Variants in ZMAT5 observed in about 807,000 individuals in gnomAD.
ZMAT5 encodes the protein zinc finger matrin-type protein 5.
In ZMAT5, 23 loss-of-function variants were observed where a neutral mutation model predicts 28.0. The ratio of observed to expected loss-of-function variants is 0.82; its 90% confidence interval spans 0.59 to 1.16. The LOEUF is 1.16. Ranked by LOEUF, ZMAT5 falls within the 50% of genes most tolerant of loss-of-function variation. The pLI is 0.00. For missense variants in ZMAT5, 173 were observed against 212.7 expected (o/e 0.81, Z 1.16); for synonymous variants, 76 against 84.1 (o/e 0.90, Z 0.52).
rs1361925801 is a variant in ZMAT5, at chr22:29,751,174, AAGGG to A, written c.-27-2607_-27-2604del. 3.3e-5 allele frequency among the ~76,000 whole-genome samples: 5 copies of A among 152,166 alleles called. No homozygotes were observed. In the East Asian group the frequency reaches 9.7e-4, roughly 29 times the overall value. On this transcript the variant is annotated intron_variant, in intron 1 of 5. Transcript: ENST00000344318. ...TTGCTGGCGCTGGAGAGTAATGGGG[AAGGG>A]AGGGGACAGGGAGGGTGGTTCTCTG...
At chr22:29,765,291 C>T (rs9614046) in intron 1 of ZMAT5, among the ~76,000 whole-genome samples, 20,117 of 151,586 alleles carry the variant, frequency 0.13, 1,487 homozygotes, top group South Asian at 0.24. Context: ...TGTTGGCATC[C>T]GCTTGTAATC....
intron 1 of ZMAT5, among the ~76,000 whole-genome samples, chr22:29,749,851 C>T (rs1044125625): frequency 2.0e-5 from 3 of 152,270 alleles, no homozygotes; most frequent in Admixed American, 2.0e-4. Flanking sequence ...CTCTCTCCTG[C>T]TGCCTTGTGA....
chr22:29,759,097 C>T lies in ZMAT5; in HGVS notation c.-28+7775G>A, dbSNP rs546972529. 1.3e-3 allele frequency among the ~76,000 whole-genome samples: 203 copies of T among 152,276 alleles called. 1 individual carries two copies. Among genetic ancestry groups the T allele is most frequent in the African/African-American group, 4.6e-3 (193 of 41,564 alleles). On this transcript the variant is annotated intron_variant, in intron 1 of 5. Coordinates refer to ENST00000344318, the MANE Select transcript of ZMAT5 (RefSeq NM_001003692.2). The stretch of plus-strand genomic sequence containing the variant: ...GCACACCCCAAGGCCTGGTGAAGGT[C>T]GGCTGAGCCTGAATCTGGGCTCCAG...
chr22:29,741,929 C>T (rs1238067250), intron 3 of ZMAT5, among the ~76,000 whole-genome samples: 1 of 152,186 alleles, frequency 6.6e-6, no homozygotes, highest in African/African-American at 2.4e-5. Flanking sequence ...ACTGGGATTA[C>T]AAGAGTGAGG....
At chr22:29,745,958 C>G (rs2068005353) in intron 2 of ZMAT5, among the ~76,000 whole-genome samples, 1 of 152,134 alleles carries the variant, frequency 6.6e-6, no homozygotes, top group African/African-American at 2.4e-5. Flanking sequence ...AACCCACTGC[C>G]CTGGATTTTA....
At chr22:29,764,564 G>A (rs1218818176) in intron 1 of ZMAT5, among the ~76,000 whole-genome samples, 1 of 152,118 alleles carries the variant, frequency 6.6e-6, no homozygotes, top group East Asian at 1.9e-4. Flanking sequence ...GCAGTGACGC[G>A]ATCTCAGTTA....
In ZMAT5 at chr22:29,748,537, T is replaced by C. The variant is rs769052365; in HGVS notation, c.8A>G (p.Lys3Arg). MG[K>R]RYFCDYCDRS... ...GTCGCAGTAGTCACAGAAGTATCGC[T>C]TCCCCATGGCCACTCAGAGCAGGTG... The change falls in exon 2 of 6, where the codon AAG becomes AGG. Residue 3 changes from lysine to arginine, a missense_variant. Lys to Arg is a conservative substitution (Grantham distance 26). Coordinates refer to ENST00000344318, the MANE Select transcript of ZMAT5 (RefSeq NM_001003692.2). 6.2e-7 allele frequency: 1 copy of C among 1,614,158 alleles called. No homozygotes were observed. The highest frequency in any genetic ancestry group is 8.5e-7 in the Non-Finnish European group (1 of 1,180,020).
At chr22:29,741,031 T>C (rs1289137548) in intron 3 of ZMAT5, among the ~76,000 whole-genome samples, 1 of 152,126 alleles carries the variant, frequency 6.6e-6, no homozygotes, top group Non-Finnish European at 1.5e-5. Flanking sequence ...GCTGTCTCTG[T>C]CACCAGCCCT....
chr22:29,756,389 C>T (rs2068101451), intron 1 of ZMAT5, among the ~76,000 whole-genome samples: 1 of 152,182 alleles, frequency 6.6e-6, no homozygotes, highest in South Asian at 2.1e-4. Context: ...CCTGACCGAA[C>T]CCCCGTATGC....
At chr22:29,751,714 C>G (rs2068056544) in intron 1 of ZMAT5, among the ~76,000 whole-genome samples, 2 of 152,172 alleles carry the variant, frequency 1.3e-5, no homozygotes, top group East Asian at 3.9e-4. Flanking sequence ...CCTCCTTAAT[C>G]CCAGCATTTT....
intron 5 of ZMAT5, among the ~76,000 whole-genome samples, chr22:29,733,018 C>CTAGAG (rs2067866942): frequency 1.3e-5 from 2 of 152,200 alleles, no homozygotes; most frequent in East Asian, 3.9e-4. Flanking sequence ...ACACCATGAC[C>CTAGAG]TAGAGAAACC....
At chr22:29,740,613 C>A in intron 4 of ZMAT5, 37 bp downstream of exon 4, 1 of 1,560,322 alleles carries the variant, frequency 6.4e-7, no homozygotes, top group South Asian at 1.2e-5. Context: ...GCCCCAGCAC[C>A]CCACTCCCGC....
At chr22:29,741,811 A>G (rs1378883317) in intron 3 of ZMAT5, among the ~76,000 whole-genome samples, 1 of 152,102 alleles carries the variant, frequency 6.6e-6, no homozygotes, top group Non-Finnish European at 1.5e-5. Context: ...TACCATGCCC[A>G]GCTAATTAAA....
Position 29,731,157 on chromosome 22 carries a change from C to A in ZMAT5, c.*68G>T. ...AGCCTCCATGGGGCGTAGCAGGAAC[C>A]GGGCTTGGCTTCCTATTGTGACTGA... On this transcript the variant is annotated 3_prime_UTR_variant, in exon 6 of 6. Transcript: ENST00000344318. The A allele has an allele frequency of 7.0e-7, 1 of 1,428,606 alleles. No individual in the cohort carries two copies. The highest frequency in any genetic ancestry group is 1.7e-5 in the South Asian group (1 of 60,348). 88.5% of individuals were successfully genotyped at this position (1,428,606 alleles called of 1,614,324 possible).
chr22:29,732,371 C>T (rs569089740), intron 5 of ZMAT5, among the ~76,000 whole-genome samples: 1 of 152,196 alleles, frequency 6.6e-6, no homozygotes, highest in Non-Finnish European at 1.5e-5. Context: ...TGTGGGCAGC[C>T]ATTGAGTTAC....
intron 5 of ZMAT5, among the ~76,000 whole-genome samples, chr22:29,734,670 T>C (rs1379876465): frequency 1.3e-5 from 2 of 152,126 alleles, no homozygotes; most frequent in Non-Finnish European, 2.9e-5. Context: ...GGAGGCAGTT[T>C]CAGGCAAGAA....
At position 29,731,071 on chromosome 22, in the gene ZMAT5, G is replaced by A. The variant is rs1384227467; in HGVS notation, c.*154C>T. ...GAGCTGCCCGGTGCAGACCCAGGACGAGGGCTGCACTTGGTGTGGCCGTGT... is the reference window on the plus strand; with the variant it reads ...GAGCTGCCCGGTGCAGACCCAGGACAAGGGCTGCACTTGGTGTGGCCGTGT... On this transcript the variant is annotated 3_prime_UTR_variant, in exon 6 of 6. Coordinates refer to ENST00000344318, the MANE Select transcript of ZMAT5 (RefSeq NM_001003692.2). The A allele has an allele frequency of 1.6e-5, 12 of 740,022 alleles. No homozygotes were observed. Among genetic ancestry groups the A allele is most frequent in the East Asian group, 6.1e-5 (2 of 33,054 alleles). 45.8% of individuals were successfully genotyped at this position (740,022 alleles called of 1,614,324 possible).
chr22:29,765,437 A>G (rs2147242309), intron 1 of ZMAT5, among the ~76,000 whole-genome samples: 1 of 151,948 alleles, frequency 6.6e-6, no homozygotes, highest in East Asian at 1.9e-4. Context: ...AAAACAAAAA[A>G]CAAAAAAAAC....
At chr22:29,755,064 G>C (rs530626406) in intron 1 of ZMAT5, among the ~76,000 whole-genome samples, 146 of 152,168 alleles carry the variant, frequency 9.6e-4, no homozygotes, top group South Asian at 2.7e-3. Flanking sequence ...GGGAGGCCAA[G>C]GTGGGTGGAT....
Sources: allele counts gnomAD v4.1 joint callset (sites outside exome capture counted in the v4.1 genomes callset), GRCh38; gene constraint gnomAD v4.1.1; transcripts MANE v1.5; gene names NCBI Gene and HGNC (gene_info 2026-07-23, HGNC 2026-07-21).